RBKS: variants seen among roughly 807,000 people sequenced by gnomAD.
The protein encoded by RBKS is ribokinase.
Under a neutral mutation model 33.9 loss-of-function variants are expected in RBKS, and 33 were observed. The ratio of observed to expected loss-of-function variants is 0.97; its 90% CI spans 0.74 to 1.30. RBKS has a LOEUF of 1.30. Ranked by LOEUF, RBKS falls within the 50% of genes most tolerant of loss-of-function variation. The probability of loss-of-function intolerance (pLI) is 0.00; values close to 1 mark genes in which losing one functional copy is unlikely to be tolerated. For synonymous variants in RBKS, 125 were observed against 143.0 expected (o/e 0.87, Z 0.90); for missense variants, 361 against 392.6 (o/e 0.92, Z 0.68).
intron 1 of RBKS, among the ~76,000 whole-genome samples, chr2:27,888,915 T>A (rs1202738519): frequency 1.3e-5 from 2 of 152,214 alleles, no homozygotes; most frequent in African/African-American, 4.8e-5. Context: ...TCAACAAATG[T>A]CTCCAACTAG....
intron 7 of RBKS, among the ~76,000 whole-genome samples, chr2:27,788,600 G>A (rs550745661): frequency 1.3e-5 from 2 of 152,092 alleles, no homozygotes; most frequent in East Asian, 1.9e-4. Context: ...CCAGCTACTC[G>A]GGAGGCTGAG....
chr2:27,803,743 T>G (rs1251103131), intron 7 of RBKS, among the ~76,000 whole-genome samples: 1 of 150,994 alleles, frequency 6.6e-6, no homozygotes, highest in African/African-American at 2.4e-5. Context: ...TTAATTACTC[T>G]GCAATTAAAA....
rs114045414 is a variant in RBKS, at chr2:27,875,063, A to T, written c.89+15194T>A. ...GCAACTCACAAAAGAAACACAAATA[A>T]CTAACAAACATCTGGAAAACATTCA... On this transcript the variant is annotated intron_variant, in intron 1 of 7. Coordinates refer to ENST00000302188, the MANE Select transcript of RBKS (RefSeq NM_022128.3). 5.1e-4 allele frequency among the ~76,000 whole-genome samples: 77 copies of T among 152,362 alleles called. 1 individual carries two copies. Among genetic ancestry groups the T allele is most frequent in the African/African-American group, 1.7e-3 (72 of 41,590 alleles).
intron 6 of RBKS, among the ~76,000 whole-genome samples, chr2:27,831,604 C>T (rs984250472): frequency 6.6e-6 from 1 of 152,136 alleles, no homozygotes; most frequent in Non-Finnish European, 1.5e-5. Context: ...ATCAAGAAAG[C>T]AGGTCAAGAA....
chr2:27,855,895 A>G (rs1467256289), intron 2 of RBKS, among the ~76,000 whole-genome samples: 1 of 152,180 alleles, frequency 6.6e-6, no homozygotes, highest in African/African-American at 2.4e-5. Context: ...CTTGCTGAGA[A>G]AGCCATAGAA....
intron 7 of RBKS, among the ~76,000 whole-genome samples, chr2:27,815,744 C>T (rs1573044973): frequency 1.3e-5 from 2 of 152,124 alleles, no homozygotes; most frequent in Admixed American, 6.6e-5. Context: ...TAAGAGGAAG[C>T]GAAATCCTAA....
chr2:27,848,591 G>A (rs560484804), intron 2 of RBKS, among the ~76,000 whole-genome samples: 2 of 152,248 alleles, frequency 1.3e-5, no homozygotes, highest in African/African-American at 4.8e-5. Context: ...TTGTGTTTTT[G>A]CATCCTAGCA....
At chr2:27,830,513 C>T (rs907263731) in intron 6 of RBKS, among the ~76,000 whole-genome samples, 1 of 152,152 alleles carries the variant, frequency 6.6e-6, no homozygotes, top group African/African-American at 2.4e-5. Flanking sequence ...ATCTGCCCAC[C>T]TTGGCCTCCC....
chr2:27,878,226 C>G (rs541036523), intron 1 of RBKS, among the ~76,000 whole-genome samples: 12 of 151,834 alleles, frequency 7.9e-5, no homozygotes, highest in African/African-American at 2.9e-4. Context: ...GTTCCCCTTC[C>G]TGTGTCCATG....
chr2:27,841,972 G>A (rs1267946824), intron 5 of RBKS, among the ~76,000 whole-genome samples: 1 of 151,828 alleles, frequency 6.6e-6, no homozygotes, highest in Non-Finnish European at 1.5e-5. Context: ...GATTGAAGAG[G>A]AAAAAATTGG....
At chr2:27,835,432 C>A (rs899601091) in intron 5 of RBKS, among the ~76,000 whole-genome samples, 1 of 139,026 alleles carries the variant, frequency 7.2e-6, no homozygotes, top group East Asian at 2.1e-4. Context: ...CCCACCCCAC[C>A]CCCCCTTTTC....
At chr2:27,864,402 ACT>A (rs1165435649) in intron 1 of RBKS, among the ~76,000 whole-genome samples, 1 of 151,918 alleles carries the variant, frequency 6.6e-6, no homozygotes, top group Non-Finnish European at 1.5e-5. Context: ...GACAAACAAC[ACT>A]CTAGCCAGAA....
At chr2:27,869,583 G>A (rs1664162549) in intron 1 of RBKS, among the ~76,000 whole-genome samples, 1 of 152,126 alleles carries the variant, frequency 6.6e-6, no homozygotes, top group African/African-American at 2.4e-5. Flanking sequence ...AGGGACCAGG[G>A]GGAGGAAATG....
intron 4 of RBKS, among the ~76,000 whole-genome samples, chr2:27,844,414 T>A (rs1353814492): frequency 1.3e-5 from 2 of 152,092 alleles, no homozygotes; most frequent in Non-Finnish European, 2.9e-5. Flanking sequence ...AAGATAAATT[T>A]TGGGGTCTCA....
chr2:27,843,278 C>G (rs1165595156), intron 4 of RBKS, 47 bp from the exon 5 acceptor site: 1 of 1,423,740 alleles, frequency 7.0e-7, no homozygotes, highest in Middle Eastern at 1.8e-4. Context: ...CAAAGCCAAG[C>G]AAATGATATT....
At chr2:27,792,639 C>G (rs1266394022) in intron 7 of RBKS, among the ~76,000 whole-genome samples, 1 of 152,156 alleles carries the variant, frequency 6.6e-6, no homozygotes, top group East Asian at 1.9e-4. Flanking sequence ...CCCTTGACCT[C>G]CCTTGCTCTT....
At chr2:27,842,038 C>T (rs546612871) in intron 5 of RBKS, among the ~76,000 whole-genome samples, 12 of 152,180 alleles carry the variant, frequency 7.9e-5, no homozygotes, top group Admixed American at 5.2e-4. Flanking sequence ...TTATTCCATC[C>T]TGAGAACAAT....
chr2:27,843,565 G>A (rs997931860), intron 4 of RBKS, among the ~76,000 whole-genome samples: 10 of 151,954 alleles, frequency 6.6e-5, no homozygotes, highest in East Asian at 1.9e-4. Context: ...ATATGTATGC[G>A]GTAAAGGTTC....
intron 7 of RBKS, among the ~76,000 whole-genome samples, chr2:27,794,780 C>T (rs145826481): frequency 0.018 from 2,665 of 152,142 alleles, 78 homozygotes; most frequent in African/African-American, 0.061. Flanking sequence ...TGTGTCACCA[C>T]GCCCGGCTAA....
Sources: gnomAD v4.1 joint callset for allele counts (sites outside exome capture counted in the v4.1 genomes callset) on GRCh38, gnomAD v4.1.1 for gene constraint, MANE v1.5 for transcripts, NCBI Gene and HGNC (gene_info 2026-07-23, HGNC 2026-07-21) for gene names.